The following FBXO34 variants were observed in gnomAD, a reference collection of about 807,000 sequenced individuals.
The protein encoded by FBXO34 is F-box only protein 34.
FBXO34 carries 12 observed loss-of-function variants against 24.5 expected under a neutral mutation model. The ratio of observed to expected loss-of-function variants is 0.49; its 90% CI spans 0.31 to 0.79. The LOEUF (loss-of-function observed/expected upper bound fraction) is 0.79, where lower values mean the gene tolerates loss of function less well. Among genes scored for constraint, FBXO34 ranks in the 30% least tolerant of loss-of-function variants. The probability of loss-of-function intolerance (pLI) is 0.04; values close to 1 mark genes in which losing one functional copy is unlikely to be tolerated. For synonymous variants in FBXO34, 320 were observed against 311.9 expected, an observed-to-expected ratio of 1.03 and a Z score of -0.27; for missense variants, 823 against 857.7, an observed-to-expected ratio of 0.96 and a Z score of 0.51.
At chr14:55,436,471 CTACT>C in the FBXO34 span, 2 of 1,120,816 alleles carry the variant, frequency 1.8e-6, no homozygotes, top group East Asian at 2.4e-5. Context: ...ATTCTCTTCC[CTACT>C]ATTATCCTGA....
In FBXO34 at chr14:55,350,946, C is replaced by T. The variant is rs1884339851; in HGVS notation, c.556C>T (p.His186Tyr). The change falls in exon 2 of 2, where the codon CAC becomes TAC. Residue 186 changes from histidine (H) to tyrosine (Y), a missense_variant. This residue lies in a region of FBXO34 where 693 missense variants were observed against 659.1 expected (regional missense o/e 1.05). Transcript: ENST00000313833. ...QPEPFACGIE[H>Y]CSVHYVSDSG... ...TGAGCCTTTTGCATGTGGCATTGAG[C>T]ACTGTTCTGTGCACTATGTGAGTGA... The T allele has an allele frequency of 3.1e-6, 5 of 1,613,946 alleles. No individual in the cohort carries two copies. Among genetic ancestry groups the T allele is most frequent in the Non-Finnish European group, 4.2e-6 (5 of 1,179,962 alleles).
the FBXO34 span, among the ~76,000 whole-genome samples, chr14:55,432,442 A>AACAACAAAAAAAC: frequency 6.0e-3 from 901 of 149,162 alleles, 13 homozygotes; most frequent in African/African-American, 0.022. Flanking sequence ...ATAAACAAAC[A>AACAACAAAAAAAC]ACAAAAAAAA....
chr14:55,313,634 C>A (rs1279352058), intron 1 of FBXO34, among the ~76,000 whole-genome samples: 1 of 152,164 alleles, frequency 6.6e-6, no homozygotes, highest in African/African-American at 2.4e-5. Context: ...AGGAAACTTA[C>A]AATCATGGCA....
At chr14:55,290,411 AT>A (rs1881907220) in intron 1 of FBXO34, among the ~76,000 whole-genome samples, 1 of 152,028 alleles carries the variant, frequency 6.6e-6, no homozygotes, top group Non-Finnish European at 1.5e-5. Context: ...AATAAATAAA[AT>A]AAATAAATTA....
At chr14:55,371,199 TAGC>T (rs971772827), downstream of FBXO34, among the ~76,000 whole-genome samples, 5 of 152,258 alleles carry the variant, frequency 3.3e-5, no homozygotes, top group Non-Finnish European at 7.4e-5. Context: ...TCGAAATAAA[TAGC>T]AGGCAGAAAT....
At chr14:55,409,110 G>A in the FBXO34 span, among the ~76,000 whole-genome samples, 1,029 of 152,326 alleles carry the variant, frequency 6.8e-3, 1 homozygote, top group Non-Finnish European at 0.01. Flanking sequence ...AATGATGGTG[G>A]TCTGAACTAA....
the FBXO34 span, among the ~76,000 whole-genome samples, chr14:55,433,179 AC>A: frequency 7.9e-5 from 12 of 152,026 alleles, no homozygotes; most frequent in Non-Finnish European, 1.0e-4. Context: ...CTCAGACTGG[AC>A]TGCAGTGGTA....
downstream of FBXO34, among the ~76,000 whole-genome samples, chr14:55,356,502 C>T (rs1403303982): frequency 2.0e-5 from 3 of 152,148 alleles, no homozygotes; most frequent in African/African-American, 4.8e-5. Context: ...GACTGGAGTG[C>T]GGTGGTGCGA....
chr14:55,348,536 A>G (rs1296371237), intron 1 of FBXO34, among the ~76,000 whole-genome samples: 4 of 150,576 alleles, frequency 2.7e-5, no homozygotes, highest in Admixed American at 6.7e-5. Context: ...GGCAGCCTCT[A>G]TGGTAACTGT....
chr14:55,412,530 G>A, the FBXO34 span, among the ~76,000 whole-genome samples: 1 of 152,178 alleles, frequency 6.6e-6, no homozygotes, highest in African/African-American at 2.4e-5. Flanking sequence ...TAGGTAGATG[G>A]TTAGGACTTC....
At chr14:55,324,186 A>C (rs934142442) in intron 1 of FBXO34, among the ~76,000 whole-genome samples, 1 of 152,136 alleles carries the variant, frequency 6.6e-6, no homozygotes, top group African/African-American at 2.4e-5. Flanking sequence ...AGAATCATAT[A>C]GTATGTGCCT....
chr14:55,305,042 C>T (rs1882490724), intron 1 of FBXO34, among the ~76,000 whole-genome samples: 1 of 152,176 alleles, frequency 6.6e-6, no homozygotes, highest in African/African-American at 2.4e-5. Context: ...ATAGATTTCT[C>T]TCACACCAGC....
chr14:55,293,028 G>T (rs184352816), intron 1 of FBXO34, among the ~76,000 whole-genome samples: 1 of 152,082 alleles, frequency 6.6e-6, no homozygotes, highest in East Asian at 1.9e-4. Flanking sequence ...GATTACAGGC[G>T]TGTGCCACCA....
At chr14:55,294,466 C>T (rs1421931102) in intron 1 of FBXO34, among the ~76,000 whole-genome samples, 8 of 151,948 alleles carry the variant, frequency 5.3e-5, no homozygotes, top group Admixed American at 3.3e-4. Flanking sequence ...TTGCCCAGGC[C>T]GGTCTTGAAC....
downstream of FBXO34, among the ~76,000 whole-genome samples, chr14:55,362,791 A>G (rs544843707): frequency 7.2e-4 from 110 of 151,960 alleles, no homozygotes; most frequent in Non-Finnish European, 1.2e-3. Context: ...TTCATTCCCA[A>G]ATTGAGAGCA....
chr14:55,287,845 C>G (rs1881812807), intron 1 of FBXO34, among the ~76,000 whole-genome samples: 1 of 152,196 alleles, frequency 6.6e-6, no homozygotes, highest in Non-Finnish European at 1.5e-5. Context: ...GCATGCTGCT[C>G]TGGTTCTCTA....
intron 1 of FBXO34, among the ~76,000 whole-genome samples, chr14:55,313,429 A>G (rs1014037800): frequency 2.0e-5 from 3 of 152,102 alleles, no homozygotes; most frequent in East Asian, 1.9e-4. Context: ...AATTGTTGCA[A>G]CCTTTGCCTG....
At chr14:55,425,907 C>A in the FBXO34 span, among the ~76,000 whole-genome samples, 2 of 152,194 alleles carry the variant, frequency 1.3e-5, no homozygotes, top group East Asian at 3.8e-4. Context: ...CTAGCATCTG[C>A]TACATGGTAG....
At chr14:55,393,338 T>C in the FBXO34 span, among the ~76,000 whole-genome samples, 1 of 151,272 alleles carries the variant, frequency 6.6e-6, no homozygotes, top group Admixed American at 6.6e-5. Flanking sequence ...TGAGCCGAGA[T>C]CGCGCCACTG....
Sources: allele counts gnomAD v4.1 joint callset (sites outside exome capture counted in the v4.1 genomes callset), GRCh38; gene constraint gnomAD v4.1.1; regional missense constraint gnomAD v4.1.1; transcripts MANE v1.5; gene names NCBI Gene and HGNC (gene_info 2026-07-23, HGNC 2026-07-21).